The following DNAJC2 variants were observed in gnomAD, a reference collection of about 807,000 sequenced individuals.
DNAJC2 encodes DnaJ heat shock protein family (Hsp40) member C2.
In DNAJC2, 32 loss-of-function variants were observed where a neutral mutation model predicts 94.0. The observed-to-expected ratio is 0.34, with a 90% CI of 0.26 to 0.46. The LOEUF (loss-of-function observed/expected upper bound fraction) is 0.46. Among genes scored for constraint, DNAJC2 ranks in the 20% least tolerant of loss-of-function variants. The probability of loss-of-function intolerance (pLI) is 1.00; values close to 1 mark genes in which losing one functional copy is unlikely to be tolerated. For missense variants in DNAJC2, 550 were observed against 719.5 expected, an observed-to-expected ratio of 0.76 and a Z score of 2.69; for synonymous variants, 210 against 229.7, an observed-to-expected ratio of 0.91 and a Z score of 0.77.
intron 2 of DNAJC2, among the ~76,000 whole-genome samples, chr7:103,341,044 G>C (rs1244773945): frequency 2.0e-5 from 3 of 152,164 alleles, no homozygotes; most frequent in African/African-American, 7.2e-5. Context: ...GTGCCACACA[G>C]CCAGGGTCAC....
chr7:103,319,754 A>T lies in DNAJC2; in HGVS notation c.1172+2T>A. On this transcript the variant is annotated splice_donor_variant, in intron 11 of 16. Coordinates refer to ENST00000379263, the MANE Select transcript of DNAJC2 (RefSeq NM_014377.3). LOFTEE classifies it high-confidence loss of function. ...ACTTCAATAGCAGTTCCATAGGTAT[A>T]CCTTGCCAGTTCAAGCCGATCACAA... The T allele has an allele frequency of 1.2e-6, 2 of 1,614,220 alleles. No homozygotes were observed. The highest frequency in any genetic ancestry group is 1.7e-6 in the Non-Finnish European group (2 of 1,180,050).
At chr7:103,339,260 T>C (rs1394241434) in intron 2 of DNAJC2, among the ~76,000 whole-genome samples, 2 of 152,220 alleles carry the variant, frequency 1.3e-5, no homozygotes, top group African/African-American at 2.4e-5. Flanking sequence ...GTATCTGACA[T>C]GGTGTTTGAT....
intron 1 of DNAJC2, among the ~76,000 whole-genome samples, chr7:103,342,732 C>T (rs569213230): frequency 1.3e-5 from 2 of 151,666 alleles, no homozygotes; most frequent in Non-Finnish European, 2.9e-5. Flanking sequence ...CCTCAGCCTC[C>T]CGAGTAGCTG....
chr7:103,344,098 G>A (rs1163176813), intron 1 of DNAJC2, among the ~76,000 whole-genome samples: 2 of 152,182 alleles, frequency 1.3e-5, no homozygotes, highest in Admixed American at 6.5e-5. Context: ...TATGAGGAGC[G>A]GTGTCTGAGT....
Position 103,313,067 on chromosome 7 carries a change from T to C in DNAJC2, c.1671A>G (p.Glu557=). Residue 557 remains glutamate, a synonymous_variant, in exon 16 of 17, where the codon GAA becomes GAG. Transcript: ENST00000379263. ...PYTDFTPWTT[E]EQKLLEQALK... is the part of the protein sequence containing the mutation. ...AAGCTTGTTCCAAAAGCTTCTGTTC[T>C]TCTGTTGTCCAAGGGGTGAAGTCTG... 1.9e-6 allele frequency: 3 copies of C among 1,613,996 alleles called. No individual in the cohort carries two copies. Among genetic ancestry groups the C allele is most frequent in the Non-Finnish European group, 2.5e-6 (3 of 1,179,908 alleles).
intron 10 of DNAJC2, 43 bp downstream of exon 10, chr7:103,321,889 A>T: frequency 6.4e-7 from 1 of 1,560,724 alleles, no homozygotes. Flanking sequence ...CTTAATAAGC[A>T]ACTTGATTTA....
Position 103,316,876 on chromosome 7 carries a change from A to G in DNAJC2, c.1381T>C (p.Leu461=). 6.2e-7 allele frequency: 1 copy of G among 1,613,946 alleles called. No individual in the cohort carries two copies. The highest frequency in any genetic ancestry group is 8.5e-7 in the Non-Finnish European group (1 of 1,179,970). Residue 461 remains leucine, a synonymous_variant, in exon 13 of 17, where the codon TTA becomes CTA. Coordinates refer to ENST00000379263, the MANE Select transcript of DNAJC2 (RefSeq NM_014377.3). The part of the protein sequence containing the change: ...SKNWSEDDLQ[L]LIKAVNLFPA... ...AACAGATTCACAGCTTTAATTAGTA[A>G]TTGTAGATCATCTTCTGACCAATTT...
At chr7:103,343,469 G>C (rs1040716913) in intron 1 of DNAJC2, among the ~76,000 whole-genome samples, 1 of 152,164 alleles carries the variant, frequency 6.6e-6, no homozygotes, top group African/African-American at 2.4e-5. Context: ...AGACACTCTG[G>C]GTTTTAGACT....
intron 5 of DNAJC2, 29 bp from the exon 6 acceptor site, chr7:103,324,591 A>G (rs776704259): frequency 5.5e-5 from 78 of 1,420,176 alleles, no homozygotes; most frequent in Non-Finnish European, 6.8e-5. Flanking sequence ...TATTCTTACA[A>G]TTCTTCAAAA....
At chr7:103,319,892 A>C (rs1165282421) in intron 10 of DNAJC2, 48 bp from the exon 11 acceptor site, 1 of 1,583,996 alleles carries the variant, frequency 6.3e-7, no homozygotes, top group East Asian at 2.2e-5. Context: ...AAATACATCC[A>C]TCAACATAAT....
chr7:103,329,952 T>C (rs1156532842), intron 3 of DNAJC2, among the ~76,000 whole-genome samples: 2 of 152,172 alleles, frequency 1.3e-5, no homozygotes, highest in East Asian at 1.9e-4. Context: ...ACTCCCAAAA[T>C]AGCATAAAAA....
chr7:103,330,750 C>CT (rs112547436), intron 3 of DNAJC2, among the ~76,000 whole-genome samples: 96 of 143,812 alleles, frequency 6.7e-4, no homozygotes, highest in Middle Eastern at 7.2e-3. Context: ...ACACCCAGCT[C>CT]TTTTTTTTTT....
chr7:103,312,891 T>TATC (rs1309454279), intron 16 of DNAJC2, 56 bp downstream of exon 16: 55 of 1,571,568 alleles, frequency 3.5e-5, no homozygotes, highest in Non-Finnish European at 4.3e-5. Context: ...ATATGAGCTA[T>TATC]ATCACCCAAG....
chr7:103,343,080 A>T (rs1028505581), intron 1 of DNAJC2, among the ~76,000 whole-genome samples: 2 of 150,924 alleles, frequency 1.3e-5, no homozygotes, highest in African/African-American at 4.9e-5. Flanking sequence ...GCTCACTGCA[A>T]CCTCCGCCTC....
rs1020273924 is a variant in DNAJC2 at position 103,334,770 on chromosome 7, A to G, written c.331+2966T>C. Among the ~76,000 whole-genome samples the G allele has an allele frequency of 3.3e-5, 5 of 152,078 alleles. No homozygotes were observed. The East Asian group carries it at 5.8e-4, about 18-fold the overall frequency. On this transcript the variant is annotated intron_variant, in intron 3 of 16. Coordinates refer to ENST00000379263, the MANE Select transcript of DNAJC2 (RefSeq NM_014377.3). ...GGCCTATAGAAATCTTTTCATGAGC[A>G]TAATAAAATTATTTATTTCAACATA...
At chr7:103,340,229 C>T (rs1819326412) in intron 2 of DNAJC2, among the ~76,000 whole-genome samples, 1 of 152,190 alleles carries the variant, frequency 6.6e-6, no homozygotes, top group Admixed American at 6.5e-5. Flanking sequence ...GTGTCTTTTT[C>T]TTTGTTTTCT....
At chr7:103,338,136 G>A (rs984057127) in intron 2 of DNAJC2, among the ~76,000 whole-genome samples, 4 of 152,102 alleles carry the variant, frequency 2.6e-5, no homozygotes, top group Admixed American at 2.6e-4. Context: ...TGGGTGTGGT[G>A]GTGTGCACCT....
At chr7:103,320,620 C>T (rs574962298) in intron 10 of DNAJC2, among the ~76,000 whole-genome samples, 5 of 150,390 alleles carry the variant, frequency 3.3e-5, no homozygotes, top group Non-Finnish European at 5.9e-5. Context: ...ATTAGCCGGG[C>T]GTGGTCCCAG....
In DNAJC2 at chr7:103,327,208, T is replaced by C. The variant is rs147826584; in HGVS notation, c.430+448A>G. 52 of 433,966 alleles carry C rather than the reference T, an allele frequency of 1.2e-4. No homozygotes were observed. The East Asian group carries it at 3.5e-3, about 29-fold the overall frequency. The allele number at this position is 433,966 out of a possible 1,614,324, so 26.9% of individuals were successfully genotyped here. On this transcript the variant is annotated intron_variant, in intron 4 of 16. Coordinates refer to ENST00000379263, the MANE Select transcript of DNAJC2 (RefSeq NM_014377.3). The stretch of plus-strand genomic sequence containing the variant: ...AGTAACTGTAGGGTCTGTACTAGGA[T>C]ATAATCAACTTCTTGATTTAAACTA...
Sources: gnomAD v4.1 joint callset for allele counts (sites outside exome capture counted in the v4.1 genomes callset) on GRCh38, gnomAD v4.1.1 for gene constraint, MANE v1.5 for transcripts, NCBI Gene and HGNC (gene_info 2026-07-23, HGNC 2026-07-21) for gene names.